The following EXTL3 variants were observed in gnomAD, a reference collection of about 807,000 sequenced individuals.
The protein encoded by EXTL3 is exostosin like glycosyltransferase 3.
In EXTL3, 27 loss-of-function variants were observed where a neutral mutation model predicts 69.3. That is an observed-to-expected ratio of 0.39 (90% CI 0.29 to 0.54). The LOEUF (loss-of-function observed/expected upper bound fraction) is 0.54, where lower values mean the gene tolerates loss of function less well. EXTL3 is among the 20% of genes least tolerant of loss of function. EXTL3 has a pLI of 0.69. For missense variants in EXTL3, 1,003 were observed against 1,231.8 expected, an observed-to-expected ratio of 0.81 and a Z score of 2.78; for synonymous variants, 511 against 499.4, an observed-to-expected ratio of 1.02 and a Z score of -0.31.
At chr8:28,651,487 G>A (rs763791683) in intron 1 of EXTL3, among the ~76,000 whole-genome samples, 2 of 151,900 alleles carry the variant, frequency 1.3e-5, no homozygotes, top group Non-Finnish European at 2.9e-5. Context: ...CACCACACCC[G>A]GCTAATTTTT....
intron 1 of EXTL3, among the ~76,000 whole-genome samples, chr8:28,686,668 G>GATTT (rs1046515825): frequency 7.9e-5 from 12 of 152,258 alleles, no homozygotes; most frequent in African/African-American, 2.4e-4. Flanking sequence ...GATAGTACCA[G>GATTT]ATTTATTTAT....
intron 1 of EXTL3, among the ~76,000 whole-genome samples, chr8:28,634,653 T>A (rs1280776973): frequency 6.6e-6 from 1 of 150,382 alleles, no homozygotes; most frequent in Non-Finnish European, 1.5e-5. Flanking sequence ...TGGAGTGCAG[T>A]GGCGGAATCT....
rs577781474 is a variant in EXTL3 at position 28,736,169 on chromosome 8, C to T, written c.2277-1350C>T. ...GGTATATTTTATGTTTGTTTTGCCA[C>T]AATTTAAAAAAAATCAGTTGTCTAA... On this transcript the variant is annotated intron_variant, in intron 4 of 6. Coordinates refer to ENST00000220562, the MANE Select transcript of EXTL3 (RefSeq NM_001440.4). Among the ~76,000 whole-genome samples the T allele has an allele frequency of 5.3e-5, 8 of 152,084 alleles. No individual in the cohort carries two copies. The East Asian group carries it at 1.5e-3, about 29-fold the overall frequency.
chr8:28,716,481 C>T lies in EXTL3; in HGVS notation c.422C>T (p.Ser141Phe). ...LKNVISQTEH[S>F]YKELMAQNQP... is the part of the protein sequence containing the mutation. ...AATGTCATCAGCCAGACCGAGCATTCCTACAAGGAGCTCATGGCCCAGAAC... is the reference window on the plus strand; with the variant it reads ...AATGTCATCAGCCAGACCGAGCATTTCTACAAGGAGCTCATGGCCCAGAAC... Residue 141 changes from serine to phenylalanine, a missense_variant, in exon 3 of 7, where the codon TCC (serine) becomes TTC (phenylalanine). Ser to Phe is a radical substitution (Grantham distance 155). Coordinates refer to ENST00000220562, the MANE Select transcript of EXTL3 (RefSeq NM_001440.4). The surrounding 1 kb of genome is among the most constrained non-coding windows in gnomAD (Gnocchi z 7.1). 6.2e-7 allele frequency: 1 copy of T among 1,613,984 alleles called. No individual in the cohort carries two copies. Among genetic ancestry groups the T allele is most frequent in the Non-Finnish European group, 8.5e-7 (1 of 1,180,030 alleles).
chr8:28,626,326 T>G (rs1347972337), intron 1 of EXTL3, among the ~76,000 whole-genome samples: 1 of 151,758 alleles, frequency 6.6e-6, no homozygotes, highest in Non-Finnish European at 1.5e-5. Flanking sequence ...ACTGGAAACT[T>G]TGGTGGGAGA....
chr8:28,707,721 A>C (rs1800952190), intron 1 of EXTL3, among the ~76,000 whole-genome samples: 1 of 152,210 alleles, frequency 6.6e-6, no homozygotes, highest in Non-Finnish European at 1.5e-5. Context: ...TGATTTAGTT[A>C]ATGTAGCACG....
intron 3 of EXTL3, among the ~76,000 whole-genome samples, chr8:28,720,020 G>A (rs1801262518): frequency 6.6e-6 from 1 of 152,098 alleles, no homozygotes; most frequent in Non-Finnish European, 1.5e-5. Flanking sequence ...TCTCATATTA[G>A]CAATACAAGT....
At chr8:28,669,870 A>T (rs1016027581) in intron 1 of EXTL3, among the ~76,000 whole-genome samples, 2 of 152,100 alleles carry the variant, frequency 1.3e-5, no homozygotes, top group African/African-American at 4.8e-5. Context: ...GAGTCATTGA[A>T]TCTGAATCAC....
intron 1 of EXTL3, among the ~76,000 whole-genome samples, chr8:28,635,715 CCACACACACA>C (rs146671194): frequency 4.2e-5 from 6 of 142,726 alleles, no homozygotes; most frequent in Admixed American, 1.4e-4. Context: ...CCCCACAACT[CCACACACACA>C]CACACACACA....
chr8:28,659,375 A>G (rs545722352), intron 1 of EXTL3, among the ~76,000 whole-genome samples: 1 of 152,222 alleles, frequency 6.6e-6, no homozygotes, highest in Non-Finnish European at 1.5e-5. Context: ...CTAGGAGCAT[A>G]AGAACTACTA....
At chr8:28,724,487 G>T (rs1040135542) in intron 3 of EXTL3, among the ~76,000 whole-genome samples, 4 of 151,990 alleles carry the variant, frequency 2.6e-5, no homozygotes, top group Non-Finnish European at 5.9e-5. Flanking sequence ...GTAGTCCTTG[G>T]CTGGGTGTGG....
In EXTL3 at chr8:28,623,287, GCCCTCCAGT is replaced by G. The variant is rs1292533883; in HGVS notation, c.-53+482_-53+490del. ...CCGTGGGTAAGCCCGTGCCGTGGGT[GCCCTCCAGT>G]CCCTGCAGCCCCAAACACACCTACC... On this transcript the variant is annotated intron_variant, in intron 1 of 6. Coordinates refer to the EXTL3 transcript ENST00000523149. This position sits in a 1 kb window ranked among gnomAD's most constrained non-coding sequence, Gnocchi z 4.2. 2.0e-5 allele frequency among the ~76,000 whole-genome samples: 3 copies of G among 152,166 alleles called. No individual in the cohort carries two copies. The highest frequency in any genetic ancestry group is 1.5e-5 in the Non-Finnish European group (1 of 68,020).
intron 1 of EXTL3, among the ~76,000 whole-genome samples, chr8:28,670,890 C>T (rs891549202): frequency 9.9e-5 from 15 of 152,134 alleles, no homozygotes; most frequent in African/African-American, 1.4e-4. Flanking sequence ...TGGGTAGTCC[C>T]TTCAACTGTC....
At chr8:28,643,667 C>G (rs989755028) in intron 1 of EXTL3, among the ~76,000 whole-genome samples, 5 of 152,138 alleles carry the variant, frequency 3.3e-5, no homozygotes, top group Non-Finnish European at 5.9e-5. Context: ...ATCCACCAGC[C>G]TCAGCCTCCC....
intron 1 of EXTL3, among the ~76,000 whole-genome samples, chr8:28,657,739 A>T (rs948593366): frequency 4.6e-5 from 7 of 152,030 alleles, no homozygotes; most frequent in African/African-American, 1.7e-4. Flanking sequence ...GGGGGGAAAA[A>T]ACCTACCCAT....
upstream of EXTL3, among the ~76,000 whole-genome samples, chr8:28,617,811 A>G (rs59971358): frequency 0.043 from 6,508 of 152,302 alleles, 419 homozygotes; most frequent in African/African-American, 0.14. Flanking sequence ...CAACAATAAA[A>G]AAAACAAGAA....
intron 1 of EXTL3, among the ~76,000 whole-genome samples, chr8:28,691,636 G>A (rs922732330): frequency 1.4e-5 from 2 of 146,904 alleles, no homozygotes; most frequent in African/African-American, 5.2e-5. Context: ...GGTGGCTCAC[G>A]CCTGTAATCC....
intron 1 of EXTL3, among the ~76,000 whole-genome samples, chr8:28,690,118 C>A (rs1336983113): frequency 6.6e-6 from 1 of 152,116 alleles, no homozygotes; most frequent in Non-Finnish European, 1.5e-5. Context: ...TAACAAATTA[C>A]CTCAAACTTG....
intron 1 of EXTL3, among the ~76,000 whole-genome samples, chr8:28,675,129 T>C (rs1192529579): frequency 2.0e-5 from 3 of 152,096 alleles, no homozygotes; most frequent in Non-Finnish European, 4.4e-5. Flanking sequence ...TGTGGGATAA[T>C]GGTGGTGAGG....
Sources: allele counts gnomAD v4.1 joint callset (sites outside exome capture counted in the v4.1 genomes callset), GRCh38; gene constraint gnomAD v4.1.1; non-coding constraint Gnocchi (gnomAD v3.1); transcripts MANE v1.5; gene names NCBI Gene and HGNC (gene_info 2026-07-23, HGNC 2026-07-21).